The following SUPT3H variants were observed in gnomAD, a reference collection of about 807,000 sequenced individuals.
The protein encoded by SUPT3H is transcription initiation protein SPT3 homolog.
In SUPT3H, 44 loss-of-function variants were observed where a neutral mutation model predicts 44.3. The ratio of observed to expected loss-of-function variants is 0.99; its 90% CI spans 0.78 to 1.28. The LOEUF is 1.28. Ranked by LOEUF, SUPT3H falls within the 50% of genes most tolerant of loss-of-function variation. The pLI, the probability that SUPT3H is intolerant of heterozygous loss-of-function variation, is 0.00. For synonymous variants in SUPT3H, 124 were observed against 125.6 expected (o/e 0.99, Z 0.09); for missense variants, 380 against 387.1 (o/e 0.98, Z 0.15).
chr6:45,311,607 G>A (rs1329242314), intron 2 of SUPT3H, among the ~76,000 whole-genome samples: 2 of 152,196 alleles, frequency 1.3e-5, no homozygotes, highest in African/African-American at 4.8e-5. Context: ...CAGATTAACA[G>A]CAGATTTCTG....
chr6:45,377,326 G>A (rs1796935978), intron 1 of SUPT3H: 1 of 152,158 alleles, frequency 6.6e-6, no homozygotes, highest in Admixed American at 6.5e-5. Flanking sequence ...AGAGAACACA[G>A]CGGATCTTTT....
chr6:45,367,050 A>C (rs969052195), intron 1 of SUPT3H, among the ~76,000 whole-genome samples: 4 of 152,206 alleles, frequency 2.6e-5, no homozygotes, highest in Admixed American at 6.5e-5. Context: ...GCCCCACGAA[A>C]GAAGGTTGGG....
intron 2 of SUPT3H, among the ~76,000 whole-genome samples, chr6:45,229,410 G>A (rs1388147824): frequency 2.0e-5 from 3 of 151,962 alleles, no homozygotes; most frequent in Non-Finnish European, 4.4e-5. Flanking sequence ...AAATACACAG[G>A]ATGAAATAGG....
intron 6 of SUPT3H, among the ~76,000 whole-genome samples, chr6:44,978,307 T>C (rs1192429808): frequency 6.6e-6 from 1 of 152,210 alleles, no homozygotes; most frequent in African/African-American, 2.4e-5. Flanking sequence ...ACTTCTAAGA[T>C]GCAGGTCCAG....
chr6:45,223,242 T>C (rs1319099377), intron 2 of SUPT3H, among the ~76,000 whole-genome samples: 1 of 152,088 alleles, frequency 6.6e-6, no homozygotes, highest in Non-Finnish European at 1.5e-5. Flanking sequence ...GTTATCAATG[T>C]TAATATTCTA....
At chr6:45,064,309 G>A (rs1792814470) in intron 3 of SUPT3H, among the ~76,000 whole-genome samples, 1 of 147,348 alleles carries the variant, frequency 6.8e-6, no homozygotes, top group Admixed American at 6.8e-5. Flanking sequence ...CCTGAAGGAA[G>A]CGCTAAACAT....
At chr6:45,243,488 T>C (rs1770773688) in intron 2 of SUPT3H, among the ~76,000 whole-genome samples, 1 of 142,308 alleles carries the variant, frequency 7.0e-6, no homozygotes, top group South Asian at 2.2e-4. Context: ...AATAAATCAC[T>C]AGTTAAACTA....
intron 2 of SUPT3H, among the ~76,000 whole-genome samples, chr6:45,259,695 C>T (rs9296453): frequency 0.4 from 60,168 of 151,856 alleles, 12,329 homozygotes; most frequent in East Asian, 0.71. Context: ...GGAACCACCT[C>T]TTTTCTAATC....
At chr6:45,019,227 T>C (rs189339174) in intron 4 of SUPT3H, among the ~76,000 whole-genome samples, 12 of 152,256 alleles carry the variant, frequency 7.9e-5, no homozygotes, top group Non-Finnish European at 1.5e-4. Flanking sequence ...GTCTATTTGA[T>C]TCTTGTCTCT....
At chr6:44,889,558 C>T (rs1052599039) in intron 10 of SUPT3H, among the ~76,000 whole-genome samples, 4 of 152,236 alleles carry the variant, frequency 2.6e-5, no homozygotes, top group East Asian at 1.9e-4. Context: ...TGGCTAGCCA[C>T]ATGTAGAAAG....
At chr6:45,024,550 C>T (rs976096508) in intron 3 of SUPT3H, among the ~76,000 whole-genome samples, 2 of 152,138 alleles carry the variant, frequency 1.3e-5, no homozygotes, top group Non-Finnish European at 2.9e-5. Context: ...TTTTCCCTGC[C>T]TTTCCACTAA....
chr6:45,316,753 C>T (rs1214852590), intron 2 of SUPT3H, among the ~76,000 whole-genome samples: 3 of 152,036 alleles, frequency 2.0e-5, no homozygotes, highest in African/African-American at 7.2e-5. Flanking sequence ...CTACAAAACA[C>T]TGATGAAAGA....
At chr6:45,281,909 GCAA>G (rs1389525971) in intron 2 of SUPT3H, among the ~76,000 whole-genome samples, 1 of 152,142 alleles carries the variant, frequency 6.6e-6, no homozygotes, top group Non-Finnish European at 1.5e-5. Flanking sequence ...GAACGATCAG[GCAA>G]CAACATTTGC....
chr6:45,038,460 T>A (rs905579294), intron 3 of SUPT3H, among the ~76,000 whole-genome samples: 14 of 152,302 alleles, frequency 9.2e-5, no homozygotes, highest in African/African-American at 3.4e-4. Flanking sequence ...GAGCTATTCA[T>A]GTTTTTTGTT....
At chr6:45,282,730 G>C (rs1778391340) in intron 2 of SUPT3H, among the ~76,000 whole-genome samples, 2 of 152,138 alleles carry the variant, frequency 1.3e-5, no homozygotes, top group South Asian at 2.1e-4. Flanking sequence ...AGGAAATACA[G>C]AGAACGCCAC....
chr6:44,913,859 T>C (rs1445799101), intron 10 of SUPT3H, among the ~76,000 whole-genome samples: 2 of 152,180 alleles, frequency 1.3e-5, no homozygotes. Context: ...TGGATAGTGA[T>C]GATTCAGTGC....
chr6:45,131,388 G>A lies in SUPT3H; in HGVS notation c.102-25382C>T, dbSNP rs1042997767. 6.3e-4 allele frequency among the ~76,000 whole-genome samples: 96 copies of A among 151,906 alleles called. 2 individuals carry two copies. Among genetic ancestry groups the A allele is most frequent in the African/African-American group, 2.3e-3 (95 of 41,346 alleles). ...AATTTACACATCTTATCCAGGATAC[G>A]GCATAACTTAATATTTATTTCCAAG... On this transcript the variant is annotated intron_variant, in intron 2 of 10. Transcript: ENST00000371459.
Position 45,268,336 on chromosome 6 carries a change from T to C in SUPT3H, c.101+96865A>G, listed in dbSNP as rs1252713384. Among the ~76,000 whole-genome samples the C allele has an allele frequency of 2.0e-5, 3 of 152,260 alleles. No homozygotes were observed. The East Asian group carries it at 5.8e-4, about 29-fold the overall frequency. On this transcript the variant is annotated intron_variant, in intron 2 of 10. Transcript: ENST00000371459. Reference sequence around the variant, plus strand: ...ATAAAAATGCCATCAAACTTGAATGTCAAATATTTTTCCACAGCTTAGCAC... The same window carrying C: ...ATAAAAATGCCATCAAACTTGAATGCCAAATATTTTTCCACAGCTTAGCAC...
At chr6:45,298,268 T>A (rs146296144) in intron 2 of SUPT3H, among the ~76,000 whole-genome samples, 1,727 of 152,280 alleles carry the variant, frequency 0.011, 15 homozygotes, top group Non-Finnish European at 0.019. Context: ...CATTAAGAAA[T>A]TTTGTTTTCT....
Sources: gnomAD v4.1 joint callset for allele counts (sites outside exome capture counted in the v4.1 genomes callset) on GRCh38, gnomAD v4.1.1 for gene constraint, MANE v1.5 for transcripts, NCBI Gene and HGNC (gene_info 2026-07-23, HGNC 2026-07-21) for gene names.